LAMP1: variants seen among roughly 807,000 people sequenced by gnomAD.
LAMP1 encodes lysosome associated membrane protein 1, also known as lysosome-associated membrane glycoprotein 1.
Under a neutral mutation model 37.5 loss-of-function variants are expected in LAMP1, and 7 were observed. The ratio of observed to expected loss-of-function variants is 0.19; its 90% CI spans 0.11 to 0.35. The LOEUF is 0.35. Ranked by LOEUF, LAMP1 falls within the 10% of genes least tolerant of loss-of-function variation. The pLI, the probability that LAMP1 is intolerant of heterozygous loss-of-function variation, is 1.00. For synonymous variants in LAMP1, 236 were observed against 229.1 expected, an observed-to-expected ratio of 1.03 and a Z score of -0.27; for missense variants, 537 against 552.8, an observed-to-expected ratio of 0.97 and a Z score of 0.29.
chr13:113,307,881 C>G (rs190424743), intron 2 of LAMP1, among the ~76,000 whole-genome samples: 20 of 147,256 alleles, frequency 1.4e-4, no homozygotes, highest in African/African-American at 4.8e-4. Flanking sequence ...ATTGCTTGAG[C>G]CTGTGAGGTC....
chr13:113,301,683 A>G (rs1030568247), intron 1 of LAMP1, among the ~76,000 whole-genome samples: 3 of 131,072 alleles, frequency 2.3e-5, no homozygotes, highest in African/African-American at 8.4e-5. Flanking sequence ...ATATATATAT[A>G]TATATATATT....
chr13:113,310,978 C>A (rs1002297108), intron 4 of LAMP1, 111 bp downstream of exon 4: 1 of 861,078 alleles, frequency 1.2e-6, no homozygotes, highest in Non-Finnish European at 1.8e-6. Flanking sequence ...GCCTGGAACG[C>A]GTGTGCACAC....
chr13:113,306,543 G>T lies in LAMP1; in HGVS notation c.120G>T (p.Ala40=), dbSNP rs375160189. Residue 40 remains alanine, a synonymous_variant, in exon 2 of 9, where the codon GCG becomes GCT. Coordinates refer to ENST00000332556, the MANE Select transcript of LAMP1 (RefSeq NM_005561.4). ...TGGTGAAAAATGGCAACGGGACCGC[G>T]TGCATAATGGCCAACTTCTCTGCTG... is the stretch of plus-strand genomic sequence containing the variant. ...MFMVKNGNGT[A]CIMANFSAAF... 189 of 1,613,958 alleles carry T rather than the reference G, an allele frequency of 1.2e-4. No individual in the cohort carries two copies. The highest frequency in any genetic ancestry group is 1.5e-4 in the Non-Finnish European group (177 of 1,179,998).
intron 1 of LAMP1, among the ~76,000 whole-genome samples, chr13:113,301,304 A>T (rs186630474): frequency 6.6e-6 from 1 of 151,910 alleles, no homozygotes; most frequent in Non-Finnish European, 1.5e-5. Context: ...TGGCGAGACC[A>T]GTGTCTCTAC....
At chr13:113,314,189 T>C (rs2042647434) in intron 4 of LAMP1, among the ~76,000 whole-genome samples, 2 of 110,052 alleles carry the variant, frequency 1.8e-5, no homozygotes, top group African/African-American at 4.8e-5. Context: ...GGAGTCAGTG[T>C]GGAGATGCCC....
At position 113,321,248 on chromosome 13, in the gene LAMP1, T is replaced by G. The variant is rs2042697356; in HGVS notation, c.877-156T>G. On this transcript the variant is annotated intron_variant, in intron 6 of 8. Transcript: ENST00000332556. This position sits in a 1 kb window ranked among gnomAD's most constrained non-coding sequence, Gnocchi z 5.6. Reference sequence around the variant, plus strand: ...TACACAACGCCTTTTATAGACAAGATCTTTTGCAGTTTTGTTCTAATACTA... The same window carrying G: ...TACACAACGCCTTTTATAGACAAGAGCTTTTGCAGTTTTGTTCTAATACTA... 2.9e-6 allele frequency: 2 copies of G among 698,616 alleles called. No individual in the cohort carries two copies. Among genetic ancestry groups the G allele is most frequent in the African/African-American group, 3.6e-5 (2 of 56,290 alleles). 43.3% of individuals were successfully genotyped at this position (698,616 alleles called of 1,614,324 possible).
chr13:113,309,957 G>T, intron 3 of LAMP1, 95 bp downstream of exon 3: 2 of 984,458 alleles, frequency 2.0e-6, no homozygotes, highest in Non-Finnish European at 3.1e-6. Context: ...GGCTGGGTGT[G>T]GTGGCTCACA....
Position 113,322,557 on chromosome 13 carries a change from G to C in LAMP1, c.*136G>C, listed in dbSNP as rs189770497. The stretch of plus-strand genomic sequence containing the variant: ...CATCCAATGTGAAGTTCATCTTGCA[G>C]CATTTACTATGCACAACAGAGTAAC... On this transcript the variant is annotated 3_prime_UTR_variant, in exon 9 of 9. Transcript: ENST00000332556. 11 of 765,438 alleles carry C rather than the reference G, an allele frequency of 1.4e-5. No individual in the cohort carries two copies. The African/African-American group carries it at 1.9e-4, about 13-fold the overall frequency. 47.4% of individuals were successfully genotyped at this position (765,438 alleles called of 1,614,324 possible).
At chr13:113,319,707 GCCTCTGCTCC>G (rs1383075592) in intron 5 of LAMP1, 51 bp downstream of exon 5, 1 of 1,548,296 alleles carries the variant, frequency 6.5e-7, no homozygotes, top group Non-Finnish European at 8.8e-7. Flanking sequence ...TAGGGCTGGA[GCCTCTGCTCC>G]CTGTGCACTG....
At chr13:113,311,757 A>C (rs938429579) in intron 4 of LAMP1, among the ~76,000 whole-genome samples, 1 of 152,192 alleles carries the variant, frequency 6.6e-6, no homozygotes, top group African/African-American at 2.4e-5. Context: ...CCTGTCTTCA[A>C]AGGTTGTTGG....
In LAMP1 at chr13:113,316,572, G is replaced by A. The variant is rs187096451; in HGVS notation, c.563-2897G>A. Among the ~76,000 whole-genome samples, 420 of 152,094 alleles carry A rather than the reference G, an allele frequency of 2.8e-3. 4 individuals carry two copies. The highest frequency in any genetic ancestry group is 9.7e-3 in the African/African-American group (403 of 41,500). On this transcript the variant is annotated intron_variant, in intron 4 of 8. Transcript: ENST00000332556. ...CAAGTAGGTGGGACTGTAGGCGCCC[G>A]CCACCACGCCTGGCTAATTTTTGTA...
intron 2 of LAMP1, among the ~76,000 whole-genome samples, chr13:113,308,928 A>G (rs962060392): frequency 3.9e-5 from 6 of 152,232 alleles, no homozygotes; most frequent in African/African-American, 1.2e-4. Context: ...CATTTCTGCT[A>G]TAAACACCTT....
chr13:113,298,259 C>G lies in LAMP1; in HGVS notation c.61+764C>G, dbSNP rs117039050. ...GTGGGGAAGCACCCTTCTCTTCTGT[C>G]AGTTTATAGAGCTCAGATGGGCAGT... On this transcript the variant is annotated intron_variant, in intron 1 of 8. Coordinates refer to ENST00000332556, the MANE Select transcript of LAMP1 (RefSeq NM_005561.4). Among the ~76,000 whole-genome samples, 59 of 152,186 alleles carry G rather than the reference C, an allele frequency of 3.9e-4. No homozygotes were observed. In the East Asian group the frequency reaches 0.011, roughly 29 times the overall value.
chr13:113,318,050 G>A (rs184947513), intron 4 of LAMP1, among the ~76,000 whole-genome samples: 5 of 152,354 alleles, frequency 3.3e-5, no homozygotes, highest in Admixed American at 1.3e-4. Context: ...AGTGAGCAAG[G>A]GTCCCTGAGC....
chr13:113,321,358 T>G lies in LAMP1; in HGVS notation c.877-46T>G. The G allele has an allele frequency of 6.7e-7, 1 of 1,482,980 alleles. No individual in the cohort carries two copies. Among genetic ancestry groups the G allele is most frequent in the Non-Finnish European group, 9.4e-7 (1 of 1,060,616 alleles). 91.9% of individuals were successfully genotyped at this position (1,482,980 alleles called of 1,614,324 possible). ...GAATCTACTGGGGTTAAAGATCATC[T>G]TTCTATGAATCTGCTCCGTGATTAA... On this transcript the variant is annotated intron_variant, in intron 6 of 8. Transcript: ENST00000332556. The surrounding 1 kb of genome is among the most constrained non-coding windows in gnomAD (Gnocchi z 5.6).
rs1381755486 is a variant in LAMP1 at position 113,320,431 on chromosome 13, C to G, written c.837C>G (p.His279Gln). The part of the protein sequence containing the change: ...CGAHLVTLEL[H>Q]SEGTTVLLFQ... Reference sequence around the variant, plus strand: ...CCCACCTGGTGACTCTGGAGCTGCACAGCGAGGGCACCACCGTCCTGCTCT... The same window carrying G: ...CCCACCTGGTGACTCTGGAGCTGCAGAGCGAGGGCACCACCGTCCTGCTCT... The change falls in exon 6 of 9, where the codon CAC becomes CAG. Residue 279 changes from histidine (H) to glutamine (Q), a missense_variant. His to Gln is a conservative substitution (Grantham distance 24). Coordinates refer to ENST00000332556, the MANE Select transcript of LAMP1 (RefSeq NM_005561.4). This position sits in a 1 kb window ranked among gnomAD's most constrained non-coding sequence, Gnocchi z 4.4. The G allele has an allele frequency of 9.3e-6, 15 of 1,611,184 alleles. No homozygotes were observed. The highest frequency in any genetic ancestry group is 1.3e-5 in the African/African-American group (1 of 74,878).
intron 4 of LAMP1, among the ~76,000 whole-genome samples, chr13:113,316,347 A>T (rs12871648): frequency 2.6e-5 from 4 of 151,542 alleles, no homozygotes. Context: ...TGAATGAATC[A>T]GAGGACTGCC....
At chr13:113,322,067 TC>T in intron 8 of LAMP1, 1 of 593,702 alleles carries the variant, frequency 1.7e-6, no homozygotes, top group Non-Finnish European at 2.9e-6. Flanking sequence ...AGCCCCTGAT[TC>T]CAGACGGGGG....
intron 3 of LAMP1, 26 bp from the exon 4 acceptor site, chr13:113,310,683 T>G (rs760157230): frequency 6.7e-7 from 1 of 1,486,222 alleles, no homozygotes; most frequent in Non-Finnish European, 9.1e-7. Flanking sequence ...AGTTTGCAAT[T>G]GTGATTTTTT....
Sources: allele counts gnomAD v4.1 joint callset (sites outside exome capture counted in the v4.1 genomes callset), GRCh38; gene constraint gnomAD v4.1.1; non-coding constraint Gnocchi (gnomAD v3.1); transcripts MANE v1.5; gene names NCBI Gene and HGNC (gene_info 2026-07-23, HGNC 2026-07-21).